PLEKHA7: variants seen among roughly 807,000 people sequenced by gnomAD.
The protein encoded by PLEKHA7 is pleckstrin homology domain-containing family A member 7.
PLEKHA7 carries 104 observed loss-of-function variants against 170.0 expected under a neutral mutation model. That is an observed-to-expected ratio of 0.61 (90% confidence interval 0.52 to 0.72). PLEKHA7 has a LOEUF of 0.72. Ranked by LOEUF, PLEKHA7 falls within the 30% of genes least tolerant of loss-of-function variation. The pLI is 0.00. For synonymous variants in PLEKHA7, 648 were observed against 660.8 expected (o/e 0.98, Z 0.30); for missense variants, 1,615 against 1,671.7 (o/e 0.97, Z 0.59).
In PLEKHA7 at chr11:17,014,107, C is replaced by T; in HGVS notation, c.163+18G>A. 1.3e-6 allele frequency: 2 copies of T among 1,593,104 alleles called. No individual in the cohort carries two copies. The highest frequency in any genetic ancestry group is 1.7e-6 in the Non-Finnish European group (2 of 1,171,194). On this transcript the variant is annotated intron_variant, in intron 2 of 26. Transcript: ENST00000531066. The stretch of plus-strand genomic sequence containing the variant: ...GCCGCCGCTGCGCGCGCCCCCCACC[C>T]GCCGGCCCGGCGCCCACCTGAGCGG...
intron 3 of PLEKHA7, among the ~76,000 whole-genome samples, chr11:16,979,699 A>G (rs1863297742): frequency 6.6e-6 from 1 of 151,954 alleles, no homozygotes; most frequent in Admixed American, 6.6e-5. Context: ...CTGGCCCTAC[A>G]AAGTCAGCAA....
intron 3 of PLEKHA7, among the ~76,000 whole-genome samples, chr11:16,931,194 A>G (rs1859896518): frequency 6.6e-6 from 1 of 152,234 alleles, no homozygotes; most frequent in South Asian, 2.1e-4. Context: ...TATTTTAACC[A>G]GAACAACCCC....
chr11:16,959,398 T>TTG (rs1861908000), intron 3 of PLEKHA7, among the ~76,000 whole-genome samples: 1 of 152,196 alleles, frequency 6.6e-6, no homozygotes, highest in Non-Finnish European at 1.5e-5. Context: ...AAATCCTGTC[T>TTG]TGTGTGTGCC....
At chr11:16,831,137 G>T (rs1851071764) in intron 9 of PLEKHA7, among the ~76,000 whole-genome samples, 1 of 152,170 alleles carries the variant, frequency 6.6e-6, no homozygotes, top group Admixed American at 6.5e-5. Context: ...TTATTCCCAT[G>T]GCTCCCGGGA....
chr11:16,902,835 C>G (rs1857423717), intron 3 of PLEKHA7, among the ~76,000 whole-genome samples: 1 of 152,192 alleles, frequency 6.6e-6, no homozygotes, highest in African/African-American at 2.4e-5. Flanking sequence ...AGGTAAAGGA[C>G]TTAGCAGACA....
chr11:16,873,261 C>T (rs1855011106), intron 3 of PLEKHA7, among the ~76,000 whole-genome samples: 2 of 152,164 alleles, frequency 1.3e-5, no homozygotes, highest in Admixed American at 6.5e-5. Flanking sequence ...CTCTCTAGGC[C>T]TACAAAGTCT....
At chr11:16,904,624 T>C (rs978551502) in intron 3 of PLEKHA7, among the ~76,000 whole-genome samples, 2 of 152,216 alleles carry the variant, frequency 1.3e-5, no homozygotes, top group African/African-American at 4.8e-5. Context: ...TGCATATTTC[T>C]CTGAATATTA....
intron 3 of PLEKHA7, among the ~76,000 whole-genome samples, chr11:17,010,681 C>T (rs1865273432): frequency 1.3e-5 from 2 of 152,234 alleles, no homozygotes; most frequent in Admixed American, 1.3e-4. Flanking sequence ...TGTAAAACCT[C>T]ACACAACTTT....
chr11:16,968,102 A>C (rs2136683459), intron 3 of PLEKHA7, among the ~76,000 whole-genome samples: 1 of 152,270 alleles, frequency 6.6e-6, no homozygotes, highest in Non-Finnish European at 1.5e-5. Flanking sequence ...GGCAGAGGGA[A>C]TAGACTGCTA....
In PLEKHA7 at chr11:16,919,359, C is replaced by T. The variant is rs78780218; in HGVS notation, c.222-48177G>A. On this transcript the variant is annotated intron_variant, in intron 3 of 26. Coordinates refer to ENST00000531066, the MANE Select transcript of PLEKHA7 (RefSeq NM_001329630.2). Reference sequence around the variant, plus strand: ...TGTATGCCCAGGTCACTTCTCTTCTCTGAGACTCAGTTTTCTCCAGTAAGA... The same window carrying T: ...TGTATGCCCAGGTCACTTCTCTTCTTTGAGACTCAGTTTTCTCCAGTAAGA... Among the ~76,000 whole-genome samples the T allele has an allele frequency of 1.4e-3, 212 of 152,294 alleles. 3 individuals are homozygous for T. In the East Asian group the frequency reaches 0.038, roughly 27 times the overall value.
In PLEKHA7 at chr11:16,886,009, AAAAG is replaced by A. The variant is rs1256597747; in HGVS notation, c.222-14831_222-14828del. On this transcript the variant is annotated intron_variant, in intron 3 of 26. Transcript: ENST00000531066. ...GCAAGACTCCATCGGAAAAAAAAAA[AAAAG>A]AAAGAAAGAAAAGGTAAACCCCAAA... 2.0e-4 allele frequency among the ~76,000 whole-genome samples: 30 copies of A among 151,864 alleles called. 1 individual carries two copies. The highest frequency in any genetic ancestry group is 2.0e-3 in the Admixed American group (30 of 15,238).
Position 16,800,905 on chromosome 11 carries a change from C to T in PLEKHA7, c.2409+69G>A, listed in dbSNP as rs1171938604. On this transcript the variant is annotated intron_variant, in intron 17 of 26. Transcript: ENST00000531066. ...TGCTCACAACCCCCACAGGTGAAGT[C>T]TCTTGGAAAAACAAAAAACAAAAAA... 5 of 1,358,966 alleles carry T rather than the reference C, an allele frequency of 3.7e-6. No homozygotes were observed. The African/African-American group carries it at 4.3e-5, about 12-fold the overall frequency. 84.2% of individuals were successfully genotyped at this position (1,358,966 alleles called of 1,614,324 possible). A position where few individuals can be genotyped will look rare whatever the true frequency, so the allele number is the denominator to read the frequency against.
chr11:16,879,622 G>A (rs1345681932), intron 3 of PLEKHA7, among the ~76,000 whole-genome samples: 1 of 152,218 alleles, frequency 6.6e-6, no homozygotes, highest in Non-Finnish European at 1.5e-5. Context: ...GGGGCAGTTA[G>A]TAACCGTGTT....
chr11:16,906,478 G>A (rs1857720004), intron 3 of PLEKHA7, among the ~76,000 whole-genome samples: 1 of 141,400 alleles, frequency 7.1e-6, no homozygotes, highest in African/African-American at 3.0e-5. Flanking sequence ...GCGCCGCCAT[G>A]CCTGACTGGT....
chr11:16,779,091 G>T, intron 26 of PLEKHA7, 71 bp from the exon 27 acceptor site: 1 of 700,820 alleles, frequency 1.4e-6, no homozygotes, highest in Non-Finnish European at 2.6e-6. Context: ...ACACATGATG[G>T]AATGGCAGAT....
chr11:16,847,687 A>C lies in PLEKHA7; in HGVS notation c.696+3504T>G, dbSNP rs186290364. 1.1e-3 allele frequency among the ~76,000 whole-genome samples: 166 copies of C among 151,936 alleles called. 2 individuals carry two copies. The East Asian group carries it at 0.02, about 19-fold the overall frequency. Reference sequence around the variant, plus strand: ...TCTACTAAAAATACAACAACAACAAAAAAAATTAGCTGGGCGCAGTGGCAG... The same window carrying C: ...TCTACTAAAAATACAACAACAACAACAAAAATTAGCTGGGCGCAGTGGCAG... On this transcript the variant is annotated intron_variant, in intron 8 of 26. Coordinates refer to ENST00000531066, the MANE Select transcript of PLEKHA7 (RefSeq NM_001329630.2).
At chr11:17,005,510 T>A (rs1274618521) in intron 3 of PLEKHA7, among the ~76,000 whole-genome samples, 1 of 152,052 alleles carries the variant, frequency 6.6e-6, no homozygotes, top group Non-Finnish European at 1.5e-5. Flanking sequence ...CTAGCCTAGG[T>A]GACAGAGCAA....
intron 3 of PLEKHA7, among the ~76,000 whole-genome samples, chr11:16,918,255 C>A (rs1175492760): frequency 1.3e-5 from 2 of 152,178 alleles, no homozygotes; most frequent in Non-Finnish European, 2.9e-5. Flanking sequence ...CTTTAAAATT[C>A]TATCAAAATC....
At chr11:16,979,493 A>C (rs576521253) in intron 3 of PLEKHA7, among the ~76,000 whole-genome samples, 2 of 152,328 alleles carry the variant, frequency 1.3e-5, no homozygotes, top group South Asian at 4.1e-4. Flanking sequence ...TAGTGACAGA[A>C]CCAGGATGAT....
Sources: allele counts gnomAD v4.1 joint callset (sites outside exome capture counted in the v4.1 genomes callset), GRCh38; gene constraint gnomAD v4.1.1; transcripts MANE v1.5; gene names NCBI Gene and HGNC (gene_info 2026-07-23, HGNC 2026-07-21).